JAKMIP1: variants seen among roughly 807,000 people sequenced by gnomAD.
JAKMIP1 encodes janus kinase and microtubule interacting protein 1.
JAKMIP1 carries 33 observed loss-of-function variants against 113.0 expected under a neutral mutation model. The observed-to-expected ratio is 0.29, with a 90% CI of 0.22 to 0.39. The LOEUF (loss-of-function observed/expected upper bound fraction) is 0.39. JAKMIP1 is among the 10% of genes least tolerant of loss of function. The probability of loss-of-function intolerance (pLI) is 1.00; values close to 1 mark genes in which losing one functional copy is unlikely to be tolerated. For synonymous variants in JAKMIP1, 480 were observed against 459.9 expected (o/e 1.04, Z -0.56); for missense variants, 813 against 1,080.5 (o/e 0.75, Z 3.47).
In JAKMIP1 at chr4:6,138,022, G is replaced by C. The variant is rs547152750; in HGVS notation, c.-147-25025C>G. ...CCCAATGCCCCAGCTCCCAGAGGTG[G>C]CAGAGGTGGCAGCTCCCGAGAGGCC... is the stretch of plus-strand genomic sequence containing the variant. On this transcript the variant is annotated intron_variant, in intron 1 of 20. Transcript: ENST00000409021. The surrounding 1 kb of genome is among the most constrained non-coding windows in gnomAD (Gnocchi z 6.0). 6.6e-6 allele frequency among the ~76,000 whole-genome samples: 1 copy of C among 152,270 alleles called. No individual in the cohort carries two copies. Among genetic ancestry groups the C allele is most frequent in the Non-Finnish European group, 1.5e-5 (1 of 68,010 alleles).
intron 3 of JAKMIP1, among the ~76,000 whole-genome samples, chr4:6,095,331 C>T (rs894236025): frequency 6.2e-5 from 8 of 129,154 alleles, no homozygotes; most frequent in African/African-American, 1.2e-4. Context: ...AGAGAGACAG[C>T]GAAAGAAAGA....
chr4:6,060,530 G>A, intron 10 of JAKMIP1, 23 bp from the exon 11 acceptor site: 1 of 1,590,942 alleles, frequency 6.3e-7, no homozygotes, highest in Non-Finnish European at 8.6e-7. Flanking sequence ...AGACCAGGCA[G>A]TGAGCAGGTC....
At chr4:6,121,263 G>A (rs1428507161) in intron 1 of JAKMIP1, among the ~76,000 whole-genome samples, 1 of 151,268 alleles carries the variant, frequency 6.6e-6, no homozygotes, top group Non-Finnish European at 1.5e-5. Flanking sequence ...TCACTGGCAT[G>A]TGCTGCCAGA....
intron 16 of JAKMIP1, among the ~76,000 whole-genome samples, 157 bp downstream of exon 16, chr4:6,048,700 G>A (rs564222110): frequency 7.9e-5 from 12 of 152,356 alleles, no homozygotes; most frequent in African/African-American, 1.2e-4. Flanking sequence ...TGGGACTTCC[G>A]TCATGAAGAG....
intron 1 of JAKMIP1, among the ~76,000 whole-genome samples, chr4:6,161,222 T>A (rs887778424): frequency 1.7e-5 from 2 of 114,342 alleles, no homozygotes; most frequent in Non-Finnish European, 3.5e-5. Flanking sequence ...TCCACTCATC[T>A]CCCTGACCTC....
In JAKMIP1 at chr4:6,042,630, T is replaced by C. The variant is rs115700823; in HGVS notation, c.2029-403A>G. Among the ~76,000 whole-genome samples the C allele has an allele frequency of 3.2e-3, 487 of 151,950 alleles. 1 individual carries two copies. The highest frequency in any genetic ancestry group is 0.011 in the African/African-American group (468 of 41,436). ...CGACCACCCCAAGCAGTAGGCAGCG[T>C]CACCCCTATTTTGCAGGTAAAGACA... On this transcript the variant is annotated intron_variant, in intron 16 of 20. Transcript: ENST00000409021. The surrounding 1 kb of genome is among the most constrained non-coding windows in gnomAD (Gnocchi z 5.2).
Position 6,140,832 on chromosome 4 carries a change from G to C in JAKMIP1, c.-147-27835C>G, listed in dbSNP as rs1720035838. Among the ~76,000 whole-genome samples the C allele has an allele frequency of 6.6e-6, 1 of 152,180 alleles. No homozygotes were observed. Among genetic ancestry groups the C allele is most frequent in the African/African-American group, 2.4e-5 (1 of 41,412 alleles). ...GTAATAAAGAAAATTACTGACCTCAGGTCAGCCACAGGCACTGGTTGGAGC... is the reference window on the plus strand; with the variant it reads ...GTAATAAAGAAAATTACTGACCTCACGTCAGCCACAGGCACTGGTTGGAGC... On this transcript the variant is annotated intron_variant, in intron 1 of 20. Coordinates refer to ENST00000409021, the MANE Select transcript of JAKMIP1 (RefSeq NM_001099433.2). This position sits in a 1 kb window ranked among gnomAD's most constrained non-coding sequence, Gnocchi z 9.4.
intron 1 of JAKMIP1, among the ~76,000 whole-genome samples, chr4:6,169,602 ATTGTGTGTGTG>A (rs1724090986): frequency 4.3e-5 from 3 of 70,546 alleles, no homozygotes; most frequent in South Asian, 7.2e-4. Context: ...GCCCTAGGAA[ATTGTGTGTGTG>A]TGTGTGTGTG....
chr4:6,192,693 G>A lies in JAKMIP1; in HGVS notation c.-148+7560C>T, dbSNP rs1048652379. Among the ~76,000 whole-genome samples, 2 of 152,210 alleles carry A rather than the reference G, an allele frequency of 1.3e-5. No homozygotes were observed. Among genetic ancestry groups the A allele is most frequent in the South Asian group, 2.1e-4 (1 of 4,828 alleles). Reference sequence around the variant, plus strand: ...GTGCCAATGCCCAAGGCTGACAGAGGAGGAGAAACCCCACAGGCAGGGTTC... The same window carrying A: ...GTGCCAATGCCCAAGGCTGACAGAGAAGGAGAAACCCCACAGGCAGGGTTC... On this transcript the variant is annotated intron_variant, in intron 1 of 20. Coordinates refer to ENST00000409021, the MANE Select transcript of JAKMIP1 (RefSeq NM_001099433.2). The surrounding 1 kb of genome is among the most constrained non-coding windows in gnomAD (Gnocchi z 5.0).
At chr4:6,046,650 G>T (rs972924613) in intron 16 of JAKMIP1, among the ~76,000 whole-genome samples, 10 of 152,194 alleles carry the variant, frequency 6.6e-5, no homozygotes, top group African/African-American at 2.4e-4. Flanking sequence ...CATGGTGAGG[G>T]TCAAGGCAGA....
At position 6,040,999 on chromosome 4, in the gene JAKMIP1, C is replaced by T. The variant is rs1714235621; in HGVS notation, c.2098-283G>A. Among the ~76,000 whole-genome samples the T allele has an allele frequency of 6.6e-6, 1 of 152,106 alleles. No individual in the cohort carries two copies. The highest frequency in any genetic ancestry group is 6.5e-5 in the Admixed American group (1 of 15,276). The stretch of plus-strand genomic sequence containing the variant: ...CTGACTGTAAAGAAGGGACCCACCT[C>T]AAACCAAGGCGCAAGTCACAGGAGT... On this transcript the variant is annotated intron_variant, in intron 17 of 20. Coordinates refer to ENST00000409021, the MANE Select transcript of JAKMIP1 (RefSeq NM_001099433.2). The surrounding 1 kb of genome is among the most constrained non-coding windows in gnomAD (Gnocchi z 5.8).
chr4:6,084,794 G>C, intron 5 of JAKMIP1, 52 bp downstream of exon 5: 1 of 1,548,218 alleles, frequency 6.5e-7, no homozygotes. Context: ...AGGGACTCAG[G>C]GCCCCTTCCT....
chr4:6,109,415 GA>G (rs1350308271), intron 2 of JAKMIP1, among the ~76,000 whole-genome samples: 1 of 151,844 alleles, frequency 6.6e-6, no homozygotes, highest in Non-Finnish European at 1.5e-5. Flanking sequence ...TTACAGGCAT[GA>G]GCCACTGCGG....
At position 6,086,072 on chromosome 4, in the gene JAKMIP1, A is replaced by C. The variant is rs867648343; in HGVS notation, c.625-443T>G. Among the ~76,000 whole-genome samples, 10 of 151,948 alleles carry C rather than the reference A, an allele frequency of 6.6e-5. No homozygotes were observed. The highest frequency in any genetic ancestry group is 3.4e-3 in the Middle Eastern group (1 of 294). On this transcript the variant is annotated intron_variant, in intron 3 of 20. Transcript: ENST00000409021. The surrounding 1 kb of genome is among the most constrained non-coding windows in gnomAD (Gnocchi z 4.1). ...AACTCCCCAACCCTCACCACCAGAC[A>C]GCTCCTGCCAAGGTCACCAGTGCTC...
intron 16 of JAKMIP1, among the ~76,000 whole-genome samples, chr4:6,048,114 G>A (rs1385041773): frequency 6.6e-6 from 1 of 152,206 alleles, no homozygotes; most frequent in African/African-American, 2.4e-5. Context: ...CACTAGCACT[G>A]AAATAAAAAT....
chr4:6,093,561 G>A lies in JAKMIP1; in HGVS notation c.625-7932C>T, dbSNP rs1264308350. Among the ~76,000 whole-genome samples the A allele has an allele frequency of 6.6e-6, 1 of 152,096 alleles. No individual in the cohort carries two copies. The highest frequency in any genetic ancestry group is 2.4e-5 in the African/African-American group (1 of 41,416). ...AGGCTGATAACCAACCCAACGAGAT[G>A]TCCCAAAAAGACAGCTTCAGAAACA... On this transcript the variant is annotated intron_variant, in intron 3 of 20. Coordinates refer to ENST00000409021, the MANE Select transcript of JAKMIP1 (RefSeq NM_001099433.2). This position sits in a 1 kb window ranked among gnomAD's most constrained non-coding sequence, Gnocchi z 4.6.
In JAKMIP1 at chr4:6,054,781, C is replaced by T. The variant is rs576226016; in HGVS notation, c.1708-633G>A. ...CAAGAAGGGAAACAGCAGCACCCATCGCCTGGCAGCAGCGAGAAGTCACTA... is the reference window on the plus strand; with the variant it reads ...CAAGAAGGGAAACAGCAGCACCCATTGCCTGGCAGCAGCGAGAAGTCACTA... On this transcript the variant is annotated intron_variant, in intron 12 of 20. Transcript: ENST00000409021. 3.7e-4 allele frequency: 169 copies of T among 456,728 alleles called. 2 individuals carry two copies. The highest frequency in any genetic ancestry group is 1.8e-3 in the South Asian group (115 of 64,566). The allele number at this position is 456,728 out of a possible 1,614,324, so 28.3% of individuals were successfully genotyped here. A position where few individuals can be genotyped will look rare whatever the true frequency, so the allele number is the denominator to read the frequency against.
At position 6,042,111 on chromosome 4, in the gene JAKMIP1, G is replaced by C. The variant is rs1449016842; in HGVS notation, c.2097+48C>G. 16 of 1,436,836 alleles carry C rather than the reference G, an allele frequency of 1.1e-5. No homozygotes were observed. Among genetic ancestry groups the C allele is most frequent in the Non-Finnish European group, 1.2e-5 (12 of 1,019,724 alleles). The allele number at this position is 1,436,836 out of a possible 1,614,324, so 89.0% of individuals were successfully genotyped here. A position where few individuals can be genotyped will look rare whatever the true frequency, so the allele number is the denominator to read the frequency against. ...AGCCTTCCTGCAAATCAACCTCTCT[G>C]AGCTCTTTGAACCCTCTCCCCCACC... On this transcript the variant is annotated intron_variant, in intron 17 of 20. Coordinates refer to ENST00000409021, the MANE Select transcript of JAKMIP1 (RefSeq NM_001099433.2). This position sits in a 1 kb window ranked among gnomAD's most constrained non-coding sequence, Gnocchi z 5.2.
At chr4:6,077,256 T>C (rs1719812663) in intron 8 of JAKMIP1, among the ~76,000 whole-genome samples, 2 of 152,014 alleles carry the variant, frequency 1.3e-5, no homozygotes, top group African/African-American at 4.8e-5. Flanking sequence ...TGGCTTTATA[T>C]GTGAAGCCAC....
Sources: allele counts gnomAD v4.1 joint callset (sites outside exome capture counted in the v4.1 genomes callset), GRCh38; gene constraint gnomAD v4.1.1; non-coding constraint Gnocchi (gnomAD v3.1); transcripts MANE v1.5; gene names NCBI Gene and HGNC (gene_info 2026-07-23, HGNC 2026-07-21).